The following PDE1A variants were observed in gnomAD, a reference collection of about 807,000 sequenced individuals.
The protein encoded by PDE1A is dual specificity calcium/calmodulin-dependent 3',5'-cyclic nucleotide phosphodiesterase 1A.
In PDE1A, 35 loss-of-function variants were observed where a neutral mutation model predicts 61.7. The observed-to-expected ratio is 0.57, with a 90% CI of 0.43 to 0.75. The LOEUF is 0.75. PDE1A is among the 30% of genes least tolerant of loss of function. The probability of loss-of-function intolerance (pLI) is 0.00; values close to 1 mark genes in which losing one functional copy is unlikely to be tolerated. For synonymous variants in PDE1A, 232 were observed against 213.2 expected, an observed-to-expected ratio of 1.09 and a Z score of -0.77; for missense variants, 597 against 630.6, an observed-to-expected ratio of 0.95 and a Z score of 0.57.
exon 1 of PDE1A, chr2:182,426,601 T>C (rs1376686808): frequency 4.3e-6 from 7 of 1,612,312 alleles, no homozygotes; most frequent in Non-Finnish European, 5.1e-6. Context: ...TTTGGAGATG[T>C]TTCTTCCTGA....
chr2:182,293,947 G>A (rs989294185), intron 1 of PDE1A, among the ~76,000 whole-genome samples: 27 of 152,150 alleles, frequency 1.8e-4, no homozygotes, highest in African/African-American at 6.5e-4. Context: ...AGGGTTCCTG[G>A]ATCATCAAGC....
At chr2:182,629,549 T>TGATAAACA in the PDE1A span, among the ~76,000 whole-genome samples, 3 of 152,222 alleles carry the variant, frequency 2.0e-5, no homozygotes, top group African/African-American at 7.2e-5. Context: ...ATCAGCATCC[T>TGATAAACA]GCTTTTCTCA....
chr2:182,264,147 C>A (rs1692432060), intron 2 of PDE1A, among the ~76,000 whole-genome samples, 154 bp downstream of exon 2: 1 of 151,948 alleles, frequency 6.6e-6, no homozygotes, highest in African/African-American at 2.4e-5. Flanking sequence ...TAATTAGCTA[C>A]ATGAAGAAGA....
intron 2 of PDE1A, among the ~76,000 whole-genome samples, chr2:182,459,804 C>T (rs192446627): frequency 1.7e-3 from 255 of 152,294 alleles, no homozygotes; most frequent in African/African-American, 5.9e-3. Context: ...TCCACTGTAG[C>T]ATGCACAGTA....
chr2:182,629,777 C>T, the PDE1A span, among the ~76,000 whole-genome samples: 1 of 152,110 alleles, frequency 6.6e-6, no homozygotes. Context: ...TCAAAGCATC[C>T]TATGCATTTA....
chr2:182,675,389 C>A, the PDE1A span, among the ~76,000 whole-genome samples: 2 of 152,056 alleles, frequency 1.3e-5, no homozygotes, highest in African/African-American at 4.8e-5. Flanking sequence ...CCATGTCTTT[C>A]CTATTGTGAA....
intron 10 of PDE1A, among the ~76,000 whole-genome samples, chr2:182,199,627 GTTGA>G (rs905916067): frequency 3.3e-5 from 5 of 151,990 alleles, no homozygotes; most frequent in South Asian, 2.1e-4. Context: ...AAGATCTCTG[GTTGA>G]TTGATTGAGT....
At chr2:182,404,335 G>A (rs1001818964) in intron 1 of PDE1A, among the ~76,000 whole-genome samples, 1 of 152,152 alleles carries the variant, frequency 6.6e-6, no homozygotes, top group South Asian at 2.1e-4. Context: ...CTCTCAAAAT[G>A]ATATCCCAGG....
the PDE1A span, among the ~76,000 whole-genome samples, chr2:182,532,851 G>A: frequency 7.1e-6 from 1 of 141,254 alleles, no homozygotes; most frequent in Non-Finnish European, 1.5e-5. Context: ...GGGAGGCTGA[G>A]GCAGAATGGC....
intron 1 of PDE1A, among the ~76,000 whole-genome samples, chr2:182,350,593 T>A (rs1274087995): frequency 6.6e-6 from 1 of 152,190 alleles, no homozygotes. Flanking sequence ...TCTTCCATGA[T>A]GTTTTTCTTG....
chr2:182,653,235 A>C, the PDE1A span, among the ~76,000 whole-genome samples: 1 of 152,210 alleles, frequency 6.6e-6, no homozygotes, highest in Admixed American at 6.5e-5. Context: ...CATGAATTCC[A>C]TCCTGAGGTG....
chr2:182,471,101 A>T (rs969684659), intron 2 of PDE1A, among the ~76,000 whole-genome samples: 1 of 151,816 alleles, frequency 6.6e-6, no homozygotes, highest in African/African-American at 2.4e-5. Flanking sequence ...ATGAAAGTCA[A>T]CTTGCTCTAC....
intron 1 of PDE1A, among the ~76,000 whole-genome samples, chr2:182,365,518 A>G (rs1477537640): frequency 1.3e-5 from 2 of 152,012 alleles, no homozygotes; most frequent in Non-Finnish European, 2.9e-5. Flanking sequence ...CACAAAATGG[A>G]CAAATTATAA....
chr2:182,426,778 C>T (rs1335090315), exon 1 of PDE1A: 11 of 1,467,368 alleles, frequency 7.5e-6, no homozygotes, highest in Non-Finnish European at 9.9e-6. Flanking sequence ...TGGGAGAAAA[C>T]TTCCCTGTTC....
chr2:182,185,710 C>A (rs1395772567), intron 13 of PDE1A, 182 bp downstream of exon 13: 10 of 1,190,216 alleles, frequency 8.4e-6, no homozygotes, highest in Admixed American at 7.7e-5. Flanking sequence ...CAAACCAGAA[C>A]CTCTTTTTAT....
the PDE1A span, among the ~76,000 whole-genome samples, chr2:182,553,801 C>G: frequency 1.3e-5 from 2 of 152,206 alleles, no homozygotes; most frequent in Non-Finnish European, 2.9e-5. Flanking sequence ...GGTACAAATG[C>G]ACACACAGAA....
upstream of PDE1A, among the ~76,000 whole-genome samples, chr2:182,527,322 AAAAAAATATATATATATATATATATAT>A: frequency 2.4e-5 from 1 of 42,148 alleles, no homozygotes; most frequent in Non-Finnish European, 4.3e-5. Flanking sequence ...AAAAAAAAAA[AAAAAAATATATATATATATATATATAT>A]ATATATATAT....
intron 1 of PDE1A, among the ~76,000 whole-genome samples, chr2:182,383,800 T>G (rs1368099870): frequency 6.6e-6 from 1 of 152,212 alleles, no homozygotes; most frequent in African/African-American, 2.4e-5. Context: ...CGCATCATTC[T>G]TCCCCAACCC....
At chr2:182,576,666 A>AAT in the PDE1A span, among the ~76,000 whole-genome samples, 1 of 152,114 alleles carries the variant, frequency 6.6e-6, no homozygotes, top group South Asian at 2.1e-4. Context: ...TGGCTACACC[A>AAT]TTTTATATCC....
Sources: allele counts gnomAD v4.1 joint callset (sites outside exome capture counted in the v4.1 genomes callset), GRCh38; gene constraint gnomAD v4.1.1; transcripts MANE v1.5; gene names NCBI Gene and HGNC (gene_info 2026-07-23, HGNC 2026-07-21).